The following PHACTR4 variants were observed in gnomAD, a reference collection of about 807,000 sequenced individuals.
The protein encoded by PHACTR4 is protein phosphatase 1, regulatory subunit 124.
A neutral mutation model predicts 72.7 loss-of-function variants in PHACTR4; 51 were observed. The ratio of observed to expected loss-of-function variants is 0.70; its 90% CI spans 0.56 to 0.89. PHACTR4 has a LOEUF of 0.89. Among genes scored for constraint, PHACTR4 ranks in the 40% least tolerant of loss-of-function variants. PHACTR4 has a pLI of 0.00. For synonymous variants in PHACTR4, 255 were observed against 302.5 expected (o/e 0.84, Z 1.63); for missense variants, 731 against 861.8 (o/e 0.85, Z 1.90).
chr1:28,433,030 A>G, intron 2 of PHACTR4: 1 of 983,908 alleles, frequency 1.0e-6, no homozygotes. Context: ...GGCGTGAGCC[A>G]CTGCACCTGA....
At chr1:28,424,202 T>C (rs1321825729) in intron 2 of PHACTR4, among the ~76,000 whole-genome samples, 2 of 152,088 alleles carry the variant, frequency 1.3e-5, no homozygotes, top group African/African-American at 2.4e-5. Context: ...TTTTTTATTT[T>C]TATTTTTGAG....
Position 28,476,183 on chromosome 1 carries a change from C to T in PHACTR4, c.1498C>T (p.Pro500Ser). 1 of 1,613,480 alleles carries T rather than the reference C, an allele frequency of 6.2e-7. No homozygotes were observed. The highest frequency in any genetic ancestry group is 2.2e-5 in the East Asian group (1 of 44,836). The change falls in exon 8 of 14, where the codon CCT (proline) becomes TCT (serine). Residue 500 changes from proline (P) to serine (S), a missense_variant. Pro to Ser is a moderately conservative substitution (Grantham distance 74). This residue lies in a region of PHACTR4 where 621 missense variants were observed against 676.6 expected (regional missense o/e 0.92). Coordinates refer to ENST00000373839, the MANE Select transcript of PHACTR4 (RefSeq NM_001048183.3). ...AGAAATGACACCTACCTCAGTCATT[C>T]CTAAATTACCACAGTGTCTACGGGA... is the stretch of plus-strand genomic sequence containing the variant. ...SEEMTPTSVI[P>S]KLPQCLREEE...
intron 10 of PHACTR4, 147 bp downstream of exon 10, chr1:28,489,372 G>T: frequency 1.6e-6 from 1 of 640,662 alleles, no homozygotes. Flanking sequence ...CCCCATGAAG[G>T]AACAGAGCTT....
chr1:28,453,643 G>A (rs1658143767), intron 2 of PHACTR4: 1 of 1,270,314 alleles, frequency 7.9e-7, no homozygotes, highest in Non-Finnish European at 1.1e-6. Flanking sequence ...AGAGAGACTC[G>A]GTTCTAACAT....
chr1:28,380,257 T>C (rs4908413), intron 1 of PHACTR4, among the ~76,000 whole-genome samples: 57,715 of 148,054 alleles, frequency 0.39, 12,867 homozygotes, highest in African/African-American at 0.61. Flanking sequence ...GGGGTTTCAC[T>C]GTGTTAGCCA....
At chr1:28,456,234 C>G (rs1424549780) in intron 2 of PHACTR4, among the ~76,000 whole-genome samples, 2 of 152,068 alleles carry the variant, frequency 1.3e-5, no homozygotes. Flanking sequence ...TGACAGAAAA[C>G]CAACCAGGAA....
intron 1 of PHACTR4, among the ~76,000 whole-genome samples, chr1:28,370,423 AC>A (rs374092543): frequency 1.1e-3 from 171 of 150,602 alleles, no homozygotes; most frequent in African/African-American, 4.0e-3. Context: ...AAAAGAAGCG[AC>A]CCCTCTCTCC....
At chr1:28,394,603 T>A (rs1221137126) in intron 1 of PHACTR4, among the ~76,000 whole-genome samples, 1 of 151,604 alleles carries the variant, frequency 6.6e-6, no homozygotes, top group East Asian at 1.9e-4. Flanking sequence ...CTTTTCTTTT[T>A]TTTTTTTTTG....
At chr1:28,442,964 G>C (rs1657149488) in intron 2 of PHACTR4, among the ~76,000 whole-genome samples, 1 of 152,042 alleles carries the variant, frequency 6.6e-6, no homozygotes, top group South Asian at 2.1e-4. Context: ...TCAGCTATTT[G>C]AAACTACATA....
chr1:28,395,818 A>ATTTTT (rs754161784), intron 1 of PHACTR4, among the ~76,000 whole-genome samples: 6 of 75,004 alleles, frequency 8.0e-5, no homozygotes, highest in Non-Finnish European at 9.9e-5. Context: ...CGCCTGGCTA[A>ATTTTT]TTTTTTTTTT....
intron 1 of PHACTR4, among the ~76,000 whole-genome samples, chr1:28,388,434 G>A (rs1043601575): frequency 6.6e-6 from 1 of 152,184 alleles, no homozygotes; most frequent in Non-Finnish European, 1.5e-5. Flanking sequence ...ATTGATTTTC[G>A]ACAAAGATGC....
intron 1 of PHACTR4, among the ~76,000 whole-genome samples, chr1:28,407,121 T>G (rs1295366556): frequency 6.6e-6 from 1 of 152,128 alleles, no homozygotes; most frequent in Non-Finnish European, 1.5e-5. Context: ...TGTATCTCAA[T>G]TCCCCTAAAA....
At chr1:28,377,117 A>T (rs1233127669) in intron 1 of PHACTR4, among the ~76,000 whole-genome samples, 1 of 151,522 alleles carries the variant, frequency 6.6e-6, no homozygotes, top group African/African-American at 2.4e-5. Flanking sequence ...TTTAGTAGAG[A>T]CAGGGTTTCG....
intron 2 of PHACTR4, among the ~76,000 whole-genome samples, chr1:28,423,594 T>G (rs1265183750): frequency 6.6e-6 from 1 of 152,176 alleles, no homozygotes; most frequent in East Asian, 1.9e-4. Context: ...TAGAGAGTTT[T>G]TGTTGTATAT....
intron 2 of PHACTR4, among the ~76,000 whole-genome samples, chr1:28,428,649 A>G (rs1233050589): frequency 2.0e-5 from 3 of 152,248 alleles, no homozygotes; most frequent in African/African-American, 7.2e-5. Flanking sequence ...AGAAGAAATA[A>G]TGTAGCTTCT....
At chr1:28,429,532 T>C (rs894157394) in intron 2 of PHACTR4, among the ~76,000 whole-genome samples, 2 of 152,080 alleles carry the variant, frequency 1.3e-5, no homozygotes, top group Non-Finnish European at 2.9e-5. Context: ...GGTAGAATAG[T>C]GGATGAATAG....
chr1:28,493,873 G>A (rs966661191), intron 13 of PHACTR4, among the ~76,000 whole-genome samples: 1 of 152,116 alleles, frequency 6.6e-6, no homozygotes. Context: ...CCAACTTAAT[G>A]TATAAACAAC....
At chr1:28,394,681 C>G (rs1008509299) in intron 1 of PHACTR4, among the ~76,000 whole-genome samples, 2 of 151,740 alleles carry the variant, frequency 1.3e-5, no homozygotes, top group African/African-American at 4.8e-5. Context: ...ACCACAACCT[C>G]TGGCTCCCAG....
chr1:28,484,538 G>GTA lies in PHACTR4; in HGVS notation c.1760+3942_1760+3943dup, dbSNP rs760521141. Among the ~76,000 whole-genome samples the GTA allele has an allele frequency of 9.3e-5, 14 of 150,910 alleles. 1 individual carries two copies. The highest frequency in any genetic ancestry group is 6.3e-4 in the South Asian group (3 of 4,786). On this transcript the variant is annotated intron_variant, in intron 9 of 13. Transcript: ENST00000373839. Reference sequence around the variant, plus strand: ...TGTATGTGTATATATGTGTGTATGTGTATATATATGTGTGTATGTAATATA... The same window carrying GTA: ...TGTATGTGTATATATGTGTGTATGTGTATATATATATGTGTGTATGTAATATA...
Sources: gnomAD v4.1 joint callset for allele counts (sites outside exome capture counted in the v4.1 genomes callset) on GRCh38, gnomAD v4.1.1 for gene constraint, gnomAD v4.1.1 regional missense constraint, MANE v1.5 for transcripts, NCBI Gene and HGNC (gene_info 2026-07-23, HGNC 2026-07-21) for gene names.